Variants in NOX4 observed in about 807,000 individuals in gnomAD.
NOX4 encodes kidney oxidase-1.
NOX4 carries 69 observed loss-of-function variants against 87.6 expected under a neutral mutation model. That is an observed-to-expected ratio of 0.79 (90% CI 0.65 to 0.96). NOX4 has a LOEUF of 0.96. Ranked by LOEUF, NOX4 falls within the 40% of genes least tolerant of loss-of-function variation. NOX4 has a pLI of 0.00. For synonymous variants in NOX4, 275 were observed against 238.2 expected (o/e 1.15, Z -1.42); for missense variants, 680 against 681.5 (o/e 1.00, Z 0.02).
chr11:89,462,216 G>A (rs754681519), intron 2 of NOX4, among the ~76,000 whole-genome samples: 6 of 152,014 alleles, frequency 3.9e-5, no homozygotes, highest in Non-Finnish European at 8.8e-5. Context: ...CTAAAGGAAC[G>A]TAAGAGAAGG....
At chr11:89,418,088 A>G (rs745942984) in intron 8 of NOX4, among the ~76,000 whole-genome samples, 16 of 152,110 alleles carry the variant, frequency 1.1e-4, no homozygotes, top group Non-Finnish European at 2.4e-4. Context: ...GCTAAAATAT[A>G]CAACAAGAAT....
At chr11:89,402,838 C>A (rs930884079) in intron 8 of NOX4, among the ~76,000 whole-genome samples, 1 of 151,996 alleles carries the variant, frequency 6.6e-6, no homozygotes, top group African/African-American at 2.4e-5. Flanking sequence ...ATTTGATGGC[C>A]TTTACTTCAA....
At chr11:89,376,753 G>A (rs1231150658) in intron 11 of NOX4, among the ~76,000 whole-genome samples, 2 of 152,110 alleles carry the variant, frequency 1.3e-5, no homozygotes, top group Non-Finnish European at 2.9e-5. Flanking sequence ...ATGGTGGTAG[G>A]TGCCTGTGGT....
At chr11:89,519,969 G>C in the NOX4 span, among the ~76,000 whole-genome samples, 5 of 151,882 alleles carry the variant, frequency 3.3e-5, 1 homozygote, top group Admixed American at 3.3e-4. Flanking sequence ...TTATATATTG[G>C]ATATAATAAA....
intron 11 of NOX4, among the ~76,000 whole-genome samples, chr11:89,393,616 T>G (rs1253963477): frequency 6.6e-6 from 1 of 152,168 alleles, no homozygotes; most frequent in African/African-American, 2.4e-5. Context: ...CCAGGTATTT[T>G]AAGATTATGA....
chr11:89,383,279 G>A (rs970147374), intron 11 of NOX4, among the ~76,000 whole-genome samples: 3 of 152,196 alleles, frequency 2.0e-5, no homozygotes, highest in African/African-American at 7.2e-5. Flanking sequence ...TCTGGCCACT[G>A]GGCCAAGGAA....
At chr11:89,550,964 G>C in the NOX4 span, among the ~76,000 whole-genome samples, 1 of 152,070 alleles carries the variant, frequency 6.6e-6, no homozygotes, top group East Asian at 1.9e-4. Context: ...TTTTGTATAA[G>C]GTATAAAGAA....
chr11:89,526,155 TA>T, the NOX4 span, among the ~76,000 whole-genome samples: 3 of 152,214 alleles, frequency 2.0e-5, no homozygotes, highest in Non-Finnish European at 4.4e-5. Context: ...CTTTTCTTTT[TA>T]AAATTTTTTT....
upstream of NOX4, among the ~76,000 whole-genome samples, chr11:89,492,780 G>T (rs1393121278): frequency 6.6e-6 from 1 of 152,164 alleles, no homozygotes; most frequent in Non-Finnish European, 1.5e-5. Flanking sequence ...GTCAAATTCT[G>T]GGATGCACTG....
chr11:89,369,567 C>T (rs1308819437), intron 12 of NOX4, among the ~76,000 whole-genome samples: 1 of 151,980 alleles, frequency 6.6e-6, no homozygotes, highest in Admixed American at 6.6e-5. Flanking sequence ...AATGACTAAT[C>T]GTTGTAATTC....
At chr11:89,408,870 G>C (rs555020230) in intron 8 of NOX4, among the ~76,000 whole-genome samples, 1 of 152,172 alleles carries the variant, frequency 6.6e-6, no homozygotes, top group South Asian at 2.1e-4. Flanking sequence ...ATTTCATTTT[G>C]CAGTGGGCCC....
At chr11:89,333,742 T>C (rs542514209) in intron 17 of NOX4, among the ~76,000 whole-genome samples, 1 of 151,928 alleles carries the variant, frequency 6.6e-6, no homozygotes, top group South Asian at 2.1e-4. Context: ...ATTTACACAG[T>C]GCCTTTGTCC....
At chr11:89,566,820 G>C in the NOX4 span, among the ~76,000 whole-genome samples, 1 of 152,174 alleles carries the variant, frequency 6.6e-6, no homozygotes, top group Non-Finnish European at 1.5e-5. Flanking sequence ...AGCCCCCAGT[G>C]ACTCCTTGGA....
intron 2 of NOX4, among the ~76,000 whole-genome samples, chr11:89,475,048 TGAAA>T (rs1946107405): frequency 6.7e-6 from 1 of 148,548 alleles, no homozygotes. Context: ...ATTTATTCAG[TGAAA>T]TATTAAAAAT....
the NOX4 span, among the ~76,000 whole-genome samples, chr11:89,532,742 C>G: frequency 1.3e-5 from 2 of 152,132 alleles, no homozygotes; most frequent in African/African-American, 4.8e-5. Context: ...ACCCAAATCT[C>G]ATCTTGAATA....
At chr11:89,517,266 T>C in the NOX4 span, among the ~76,000 whole-genome samples, 1 of 152,116 alleles carries the variant, frequency 6.6e-6, no homozygotes, top group Non-Finnish European at 1.5e-5. Flanking sequence ...AAAAGTAATG[T>C]AAAATGTCCT....
upstream of NOX4, among the ~76,000 whole-genome samples, chr11:89,502,187 C>A (rs1312348131): frequency 6.6e-6 from 1 of 151,982 alleles, no homozygotes; most frequent in Non-Finnish European, 1.5e-5. Context: ...GTTAGAAGGG[C>A]AAACTGACAG....
chr11:89,539,619 T>C, the NOX4 span, among the ~76,000 whole-genome samples: 4 of 152,060 alleles, frequency 2.6e-5, no homozygotes, highest in African/African-American at 9.7e-5. Context: ...CCCACCCTCT[T>C]TCTCTTTCTT....
rs1163284365 is a variant in NOX4 at position 89,455,744 on chromosome 11, A to ATATATATATATATATATATG, written c.154-3850_154-3849insCATATATATATATATATATA. Among the ~76,000 whole-genome samples the ATATATATATATATATATATG allele has an allele frequency of 3.7e-4, 55 of 146,904 alleles. 1 individual carries two copies. The highest frequency in any genetic ancestry group is 1.3e-3 in the African/African-American group (50 of 38,394). On this transcript the variant is annotated intron_variant, in intron 2 of 17. Coordinates refer to ENST00000263317, the MANE Select transcript of NOX4 (RefSeq NM_016931.5). The stretch of plus-strand genomic sequence containing the variant: ...CATATATATATATATATATATATAT[A>ATATATATATATATATATATG]TGAAACAAAAAGCAGGCACTTCAAG...
Sources: gnomAD v4.1 joint callset for allele counts (sites outside exome capture counted in the v4.1 genomes callset) on GRCh38, gnomAD v4.1.1 for gene constraint, MANE v1.5 for transcripts, NCBI Gene and HGNC (gene_info 2026-07-23, HGNC 2026-07-21) for gene names.